Variants in PDE4D observed in about 807,000 individuals in gnomAD.
PDE4D encodes the protein 3',5'-cyclic-AMP phosphodiesterase 4D.
A neutral mutation model predicts 87.4 loss-of-function variants in PDE4D; 24 were observed. The ratio of observed to expected loss-of-function variants is 0.27; its 90% CI spans 0.20 to 0.39. PDE4D has a LOEUF of 0.39. Among genes scored for constraint, PDE4D ranks in the 10% least tolerant of loss-of-function variants. PDE4D has a pLI of 1.00. For missense variants in PDE4D, 714 were observed against 1,041.0 expected (o/e 0.69, Z 4.32); for synonymous variants, 384 against 383.2 (o/e 1.00, Z -0.02).
chr5:59,646,270 C>T (rs895446852), intron 1 of PDE4D, among the ~76,000 whole-genome samples: 5 of 152,190 alleles, frequency 3.3e-5, no homozygotes, highest in African/African-American at 1.2e-4. Context: ...CCTGGACCCA[C>T]TCCTTGTCAA....
intron 1 of PDE4D, among the ~76,000 whole-genome samples, chr5:59,304,091 G>A (rs775733756): frequency 4.1e-4 from 62 of 152,086 alleles, no homozygotes; most frequent in Non-Finnish European, 7.8e-4. Context: ...AGTTTTCCTT[G>A]TAGAAGTCTC....
intron 1 of PDE4D, among the ~76,000 whole-genome samples, chr5:60,419,799 A>C (rs1308236094): frequency 6.6e-6 from 1 of 152,212 alleles, no homozygotes; most frequent in Non-Finnish European, 1.5e-5. Flanking sequence ...ACCGTTTTCA[A>C]ACAGTGGCTA....
At chr5:60,269,181 C>T (rs1376343291) in intron 1 of PDE4D, among the ~76,000 whole-genome samples, 2 of 152,154 alleles carry the variant, frequency 1.3e-5, no homozygotes, top group Non-Finnish European at 2.9e-5. Context: ...GTGGCACATG[C>T]CTGTAGTCCC....
At chr5:60,516,848 C>G (rs116056649) in intron 1 of PDE4D, among the ~76,000 whole-genome samples, 1 of 152,144 alleles carries the variant, frequency 6.6e-6, no homozygotes, top group East Asian at 1.9e-4. Context: ...GCAGGCAAGG[C>G]GCAGCCAGGG....
chr5:59,507,354 AC>A, intron 1 of PDE4D, among the ~76,000 whole-genome samples: 1 of 152,202 alleles, frequency 6.6e-6, no homozygotes, highest in Non-Finnish European at 1.5e-5. Context: ...ACAAAACAAA[AC>A]AAAACAATAA....
intron 5 of PDE4D, among the ~76,000 whole-genome samples, chr5:59,101,709 C>CT (rs34308828): frequency 0.07 from 10,176 of 145,288 alleles, 482 homozygotes; most frequent in South Asian, 0.16. Context: ...TAATAATCAA[C>CT]TTTTTTTTTT....
chr5:60,220,711 A>C (rs775203153), intron 1 of PDE4D, among the ~76,000 whole-genome samples: 1 of 152,114 alleles, frequency 6.6e-6, no homozygotes, highest in African/African-American at 2.4e-5. Context: ...GATATTTAAA[A>C]TGCTATTCAT....
chr5:59,493,829 C>T (rs1806653936), intron 1 of PDE4D, among the ~76,000 whole-genome samples: 1 of 152,028 alleles, frequency 6.6e-6, no homozygotes, highest in Non-Finnish European at 1.5e-5. Context: ...TGTTTAAGTT[C>T]GATTCATGAA....
chr5:59,657,742 A>G (rs2150269582), intron 1 of PDE4D, among the ~76,000 whole-genome samples: 1 of 152,342 alleles, frequency 6.6e-6, no homozygotes, highest in Non-Finnish European at 1.5e-5. Flanking sequence ...CACTTATGTT[A>G]TTAGTTAGCT....
chr5:60,259,788 C>A (rs947379202), intron 1 of PDE4D, among the ~76,000 whole-genome samples: 4 of 151,938 alleles, frequency 2.6e-5, no homozygotes, highest in African/African-American at 9.7e-5. Flanking sequence ...TCAAAGAGTT[C>A]ATGATGCAGA....
At chr5:59,225,446 A>T (rs1463007013) in intron 1 of PDE4D, among the ~76,000 whole-genome samples, 3 of 152,034 alleles carry the variant, frequency 2.0e-5, no homozygotes, top group Middle Eastern at 3.4e-3. Context: ...AGATCTCCAG[A>T]TATTTTGTTC....
At chr5:60,057,946 G>T (rs1770959640) in intron 2 of PDE4D, among the ~76,000 whole-genome samples, 1 of 151,890 alleles carries the variant, frequency 6.6e-6, no homozygotes, top group South Asian at 2.1e-4. Context: ...GAACATGTTT[G>T]GGAAAGTATG....
chr5:59,123,936 TA>T (rs149593479), intron 5 of PDE4D, among the ~76,000 whole-genome samples: 2 of 152,010 alleles, frequency 1.3e-5, no homozygotes, highest in East Asian at 3.9e-4. Context: ...CTGTATGATG[TA>T]AAAAAAAGAG....
chr5:59,200,033 G>GCA (rs1491053147), intron 2 of PDE4D, among the ~76,000 whole-genome samples: 2 of 94,518 alleles, frequency 2.1e-5, no homozygotes, highest in Admixed American at 2.4e-4. Flanking sequence ...ATACATACAT[G>GCA]CACACACACG....
chr5:59,314,090 G>A (rs1773209367), intron 1 of PDE4D: 1 of 152,064 alleles, frequency 6.6e-6, no homozygotes, highest in South Asian at 2.1e-4. Flanking sequence ...CTTATTCATG[G>A]TGGGATTGCT....
rs1269520606 is a variant in PDE4D at position 60,014,227 on chromosome 5, A to ATGG, written c.43-25511_43-25510insCCA. Among the ~76,000 whole-genome samples, 3 of 152,248 alleles carry ATGG rather than the reference A, an allele frequency of 2.0e-5. No individual in the cohort carries two copies. The East Asian group carries it at 5.8e-4, about 29-fold the overall frequency. Reference sequence around the variant, plus strand: ...TATATGACTGAAACTTTCTTGGACCATCCAGCCCAGACCAGCTATTGACTA... The same window carrying ATGG: ...TATATGACTGAAACTTTCTTGGACCATGGTCCAGCCCAGACCAGCTATTGACTA... On this transcript the variant is annotated intron_variant, in intron 2 of 16. Coordinates refer to the PDE4D transcript ENST00000502484.
intron 1 of PDE4D, among the ~76,000 whole-genome samples, chr5:59,259,553 GA>G (rs1761596091): frequency 6.6e-6 from 1 of 151,954 alleles, no homozygotes; most frequent in African/African-American, 2.4e-5. Context: ...AAGCCATACA[GA>G]ACATGGCCAT....
chr5:59,018,969 C>A (rs2153372875), intron 6 of PDE4D, among the ~76,000 whole-genome samples: 1 of 147,792 alleles, frequency 6.8e-6, no homozygotes, highest in African/African-American at 2.5e-5. Context: ...AACCAGAAAT[C>A]CAGTCCTGAC....
chr5:60,479,349 T>G (rs1748555538), intron 1 of PDE4D, among the ~76,000 whole-genome samples: 1 of 152,194 alleles, frequency 6.6e-6, no homozygotes, highest in Non-Finnish European at 1.5e-5. Flanking sequence ...AAATGAAGAT[T>G]CCCAAACAAC....
Sources: gnomAD v4.1 joint callset for allele counts (sites outside exome capture counted in the v4.1 genomes callset) on GRCh38, gnomAD v4.1.1 for gene constraint, MANE v1.5 for transcripts, NCBI Gene and HGNC (gene_info 2026-07-23, HGNC 2026-07-21) for gene names.